Variants in TIMD4 observed in about 807,000 individuals in gnomAD.
TIMD4 encodes the protein T-cell immunoglobulin and mucin domain-containing protein 4.
A neutral mutation model predicts 41.2 loss-of-function variants in TIMD4; 31 were observed. The ratio of observed to expected loss-of-function variants is 0.75; its 90% CI spans 0.57 to 1.01. The LOEUF (loss-of-function observed/expected upper bound fraction) is 1.01, where lower values mean the gene tolerates loss of function less well. TIMD4 is among the 50% of genes least tolerant of loss of function. The pLI is 0.00. For missense variants in TIMD4, 479 were observed against 472.5 expected (o/e 1.01, Z -0.13); for synonymous variants, 204 against 177.1 (o/e 1.15, Z -1.21).
chr5:156,935,955 T>C (rs777501227), intron 5 of TIMD4, among the ~76,000 whole-genome samples: 16 of 152,214 alleles, frequency 1.1e-4, no homozygotes, highest in Non-Finnish European at 2.1e-4. Context: ...AAATCTTCAA[T>C]GAGACCAGGC....
chr5:156,935,442 T>G (rs1322068440), intron 5 of TIMD4: 6 of 152,212 alleles, frequency 3.9e-5, no homozygotes, highest in African/African-American at 1.4e-4. Context: ...TTTATACACT[T>G]AAATGAATAT....
In TIMD4 at chr5:156,948,496, G is replaced by A. The variant is rs1334825459; in HGVS notation, c.764C>T (p.Ser255Phe). Reference protein sequence around the residue: ...ADTVLLTSKESKVWDLPSTSH... With the variant: ...ADTVLLTSKEFKVWDLPSTSH... ...TGTTGATGGGAGATCCCAAACTTTG[G>A]ACTCTTTGGAAAAACAAAGGAAAAC... The change falls in exon 5 of 9, where the codon TCC becomes TTC. Residue 255 changes from serine (S) to phenylalanine (F), a missense_variant. Coordinates refer to ENST00000274532, the MANE Select transcript of TIMD4 (RefSeq NM_138379.3). The A allele has an allele frequency of 1.3e-6, 2 of 1,542,848 alleles. No homozygotes were observed.
rs947314615 is a variant in TIMD4 at position 156,924,062 on chromosome 5, A to G, written c.895-1846T>C. On this transcript the variant is annotated intron_variant, in intron 6 of 8. Coordinates refer to ENST00000274532, the MANE Select transcript of TIMD4 (RefSeq NM_138379.3). ...GGGGTCTCGCCCTGTTGCCCAGGCT[A>G]GAAACTGAGTTTCAAACGTTTAAAA... is the stretch of plus-strand genomic sequence containing the variant. 2.0e-5 allele frequency: 4 copies of G among 200,236 alleles called. No homozygotes were observed. In the South Asian group the frequency reaches 3.5e-4, roughly 18 times the overall value. 12.4% of individuals were successfully genotyped at this position (200,236 alleles called of 1,614,324 possible).
chr5:156,951,437 G>A, intron 3 of TIMD4, 75 bp downstream of exon 3: 1 of 1,564,128 alleles, frequency 6.4e-7, no homozygotes, highest in South Asian at 1.2e-5. Flanking sequence ...CACACACTGA[G>A]AGAGAGCAAG....
chr5:156,954,636 G>C lies in TIMD4; in HGVS notation c.179C>G (p.Pro60Arg), dbSNP rs760310584. 2.5e-6 allele frequency: 4 copies of C among 1,614,182 alleles called. No individual in the cohort carries two copies. In the South Asian group the frequency reaches 4.4e-5, roughly 18 times the overall value. ...GAGCGCCTCCTTGCAACCGGAGTAG[G>C]GGCACTGGTCTTTCCCCCAGCACAT... ...NSMCWGKDQC[P>R]YSGCKEALIR... is the part of the protein sequence containing the mutation. Residue 60 changes from proline (P) to arginine (R), a missense_variant, in exon 2 of 9, where the codon CCC becomes CGC. Physicochemically the swap from Pro to Arg is moderately radical, Grantham distance 103. Coordinates refer to ENST00000274532, the MANE Select transcript of TIMD4 (RefSeq NM_138379.3).
chr5:156,926,345 G>A (rs1759347474), intron 5 of TIMD4, 33 bp from the exon 6 acceptor site: 1 of 1,609,380 alleles, frequency 6.2e-7, no homozygotes, highest in African/African-American at 1.3e-5. Flanking sequence ...ATGGTTATAT[G>A]TCTGGTTGGG....
intron 5 of TIMD4, among the ~76,000 whole-genome samples, chr5:156,931,352 G>C (rs956085407): frequency 2.6e-5 from 4 of 152,160 alleles, no homozygotes; most frequent in African/African-American, 9.7e-5. Context: ...CCTTCCAAAA[G>C]AACAGTTGTT....
At chr5:156,933,599 A>C (rs1256484483) in intron 5 of TIMD4, among the ~76,000 whole-genome samples, 1 of 147,698 alleles carries the variant, frequency 6.8e-6, no homozygotes, top group Non-Finnish European at 1.5e-5. Context: ...ACAGAGTCTC[A>C]CTCTGTCTCC....
At chr5:156,927,835 G>A (rs1447695209) in intron 5 of TIMD4, among the ~76,000 whole-genome samples, 2 of 152,126 alleles carry the variant, frequency 1.3e-5, no homozygotes, top group East Asian at 1.9e-4. Context: ...GGGGAGAAAA[G>A]TGATGAGTTC....
intron 5 of TIMD4, among the ~76,000 whole-genome samples, chr5:156,939,680 A>G (rs1759604278): frequency 6.6e-6 from 1 of 152,102 alleles, no homozygotes; most frequent in Non-Finnish European, 1.5e-5. Context: ...CCACACATTG[A>G]CCCATTCTCC....
At chr5:156,957,034 T>C in intron 1 of TIMD4, among the ~76,000 whole-genome samples, 1 of 137,420 alleles carries the variant, frequency 7.3e-6, no homozygotes, top group East Asian at 2.1e-4. Flanking sequence ...CACAGTTGGC[T>C]TTTTTTTTTT....
rs185155589 is a variant in TIMD4, at chr5:156,945,233, A to G, written c.844+3183T>C. On this transcript the variant is annotated intron_variant, in intron 5 of 8. Transcript: ENST00000274532. ...ATCTGGAGTTGAAAAGACGTGGTTA[A>G]ATCCAGGTCGGCCATTTACCGGACA... Among the ~76,000 whole-genome samples the G allele has an allele frequency of 2.6e-3, 397 of 152,292 alleles. 3 individuals are homozygous for G. The highest frequency in any genetic ancestry group is 8.1e-3 in the Admixed American group (124 of 15,284).
chr5:156,957,115 T>A (rs1477082917), intron 1 of TIMD4, among the ~76,000 whole-genome samples: 2 of 152,006 alleles, frequency 1.3e-5, no homozygotes, highest in African/African-American at 2.4e-5. Context: ...CTGCAACCTC[T>A]GGTTGTTCTT....
intron 5 of TIMD4, among the ~76,000 whole-genome samples, chr5:156,935,115 A>C (rs1581616793): frequency 6.6e-6 from 1 of 152,162 alleles, no homozygotes. Context: ...AAAGAGCAAA[A>C]GAATCCAAAA....
chr5:156,927,061 T>C (rs1759360823), intron 5 of TIMD4, among the ~76,000 whole-genome samples: 1 of 152,168 alleles, frequency 6.6e-6, no homozygotes, highest in Non-Finnish European at 1.5e-5. Flanking sequence ...GACCGAAAGA[T>C]GATTTCAGCC....
chr5:156,957,268 C>G (rs975396134), intron 1 of TIMD4, among the ~76,000 whole-genome samples: 10 of 152,052 alleles, frequency 6.6e-5, no homozygotes, highest in Admixed American at 1.3e-4. Flanking sequence ...AATCCCAGCA[C>G]TTTAGGAGGC....
At chr5:156,939,531 A>C (rs1759601712) in intron 5 of TIMD4, among the ~76,000 whole-genome samples, 2 of 152,210 alleles carry the variant, frequency 1.3e-5, no homozygotes, top group East Asian at 3.8e-4. Context: ...GCCAATTAGC[A>C]AAGACACCCA....
chr5:156,926,231 G>A (rs752292824), intron 6 of TIMD4, 32 bp downstream of exon 6: 4 of 1,609,820 alleles, frequency 2.5e-6, no homozygotes, highest in Non-Finnish European at 3.4e-6. Flanking sequence ...CTATTTAAGT[G>A]ATATACTGCA....
At chr5:156,949,435 C>T (rs978448033) in intron 4 of TIMD4, among the ~76,000 whole-genome samples, 1 of 151,672 alleles carries the variant, frequency 6.6e-6, no homozygotes, top group Admixed American at 6.6e-5. Flanking sequence ...CCTCCTCCTC[C>T]TCCTCCTCCT....
Sources: gnomAD v4.1 joint callset for allele counts (sites outside exome capture counted in the v4.1 genomes callset) on GRCh38, gnomAD v4.1.1 for gene constraint, MANE v1.5 for transcripts, NCBI Gene and HGNC (gene_info 2026-07-23, HGNC 2026-07-21) for gene names.